The following CDC14A variants were observed in gnomAD, a reference collection of about 807,000 sequenced individuals.
CDC14A encodes cell division cycle 14A.
In CDC14A, 53 loss-of-function variants were observed where a neutral mutation model predicts 74.4. That is an observed-to-expected ratio of 0.71 (90% CI 0.57 to 0.89). The LOEUF is 0.89. Ranked by LOEUF, CDC14A falls within the 40% of genes least tolerant of loss-of-function variation. The pLI is 0.00. For synonymous variants in CDC14A, 247 were observed against 258.4 expected (o/e 0.96, Z 0.43); for missense variants, 646 against 713.7 (o/e 0.91, Z 1.08).
At chr1:100,444,706 T>G (rs1665342978) in intron 7 of CDC14A, among the ~76,000 whole-genome samples, 1 of 152,198 alleles carries the variant, frequency 6.6e-6, no homozygotes, top group African/African-American at 2.4e-5. Context: ...GTACTCTTCT[T>G]CCCTGCCTTC....
At chr1:100,394,044 T>C in intron 4 of CDC14A, 2 of 247,132 alleles carry the variant, frequency 8.1e-6, no homozygotes, top group South Asian at 5.1e-5. Context: ...ACCTCAGGTT[T>C]GCCCTACTCT....
chr1:100,390,313 G>A (rs914980518), intron 3 of CDC14A, among the ~76,000 whole-genome samples: 1 of 152,028 alleles, frequency 6.6e-6, no homozygotes, highest in Non-Finnish European at 1.5e-5. Context: ...ATAGTAAACT[G>A]GTTGACATTT....
At chr1:100,420,063 C>CACACACACACACAT in intron 4 of CDC14A, among the ~76,000 whole-genome samples, 4 of 61,566 alleles carry the variant, frequency 6.5e-5, no homozygotes, top group African/African-American at 1.6e-4. Context: ...CACACACACA[C>CACACACACACACAT]ATATATATAT....
intron 15 of CDC14A, among the ~76,000 whole-genome samples, chr1:100,511,091 G>GTTCA (rs143317049): frequency 0.011 from 1,665 of 148,626 alleles, 28 homozygotes; most frequent in African/African-American, 0.042. Context: ...TACCTGTACT[G>GTTCA]TTCTTTCCAG....
chr1:100,475,566 AG>A (rs1283369345), intron 10 of CDC14A, among the ~76,000 whole-genome samples: 7 of 152,106 alleles, frequency 4.6e-5, no homozygotes, highest in Non-Finnish European at 1.5e-5. Context: ...GTTGGGGGGC[AG>A]GGGGTTGCCA....
chr1:100,406,768 C>G (rs1659992151), intron 4 of CDC14A, among the ~76,000 whole-genome samples: 1 of 151,202 alleles, frequency 6.6e-6, no homozygotes, highest in Non-Finnish European at 1.5e-5. Context: ...ACTAAAAATA[C>G]AAAAAAAATT....
At chr1:100,408,106 C>A (rs1369600926) in intron 4 of CDC14A, among the ~76,000 whole-genome samples, 3 of 152,066 alleles carry the variant, frequency 2.0e-5, no homozygotes, top group African/African-American at 7.2e-5. Flanking sequence ...TTTGTTGTTC[C>A]CCTCTTTGTG....
At chr1:100,365,941 T>TACACACACACACACACACACAC (rs34281009) in intron 2 of CDC14A, among the ~76,000 whole-genome samples, 4 of 142,502 alleles carry the variant, frequency 2.8e-5, no homozygotes, top group South Asian at 2.3e-4. Flanking sequence ...AACAAAATTT[T>TACACACACACACACACACACAC]ACACACACAC....
intron 15 of CDC14A, among the ~76,000 whole-genome samples, chr1:100,510,398 A>T (rs1557840537): frequency 6.6e-6 from 1 of 152,210 alleles, no homozygotes; most frequent in African/African-American, 2.4e-5. Flanking sequence ...AACCTCAGTT[A>T]TCTTTATTTT....
At chr1:100,456,664 T>C (rs554519032) in intron 8 of CDC14A, among the ~76,000 whole-genome samples, 2 of 152,316 alleles carry the variant, frequency 1.3e-5, no homozygotes, top group African/African-American at 4.8e-5. Flanking sequence ...GATTTATTTT[T>C]CTTTAATCAT....
intron 3 of CDC14A, among the ~76,000 whole-genome samples, chr1:100,378,217 T>C (rs1655576815): frequency 2.0e-5 from 3 of 152,180 alleles, no homozygotes; most frequent in Admixed American, 6.5e-5. Context: ...TGTACTTTTA[T>C]GTGGATTTTG....
chr1:100,442,270 G>A (rs886296813), intron 6 of CDC14A, among the ~76,000 whole-genome samples: 1 of 146,904 alleles, frequency 6.8e-6, no homozygotes, highest in Admixed American at 6.8e-5. Flanking sequence ...GGCCTATTAA[G>A]TAGAAATATT....
At chr1:100,351,597 C>G (rs771636222), upstream of CDC14A, 1 of 642,898 alleles carries the variant, frequency 1.6e-6, no homozygotes, top group African/African-American at 1.8e-5. Flanking sequence ...CCTCCTTGGA[C>G]CAGTGGACTC....
intron 11 of CDC14A, chr1:100,485,700 G>T (rs1669961789): frequency 6.6e-6 from 1 of 152,244 alleles, no homozygotes; most frequent in South Asian, 2.1e-4. Flanking sequence ...AGCCCACAAG[G>T]AGCCCAGAAT....
At chr1:100,347,749 C>T (rs1650551779), upstream of CDC14A, among the ~76,000 whole-genome samples, 1 of 151,992 alleles carries the variant, frequency 6.6e-6, no homozygotes, top group African/African-American at 2.4e-5. Flanking sequence ...GTTTTTACTA[C>T]GTTTCATACT....
intron 11 of CDC14A, chr1:100,485,844 G>T (rs969055844): frequency 1.3e-5 from 2 of 152,224 alleles, no homozygotes; most frequent in African/African-American, 2.4e-5. Flanking sequence ...GATGGAGACC[G>T]TTGGAAGAAA....
intron 9 of CDC14A, among the ~76,000 whole-genome samples, chr1:100,465,079 C>T (rs1431554920): frequency 1.3e-5 from 2 of 151,990 alleles, no homozygotes; most frequent in African/African-American, 4.8e-5. Context: ...GTGCCCACCA[C>T]CACTCCTGGC....
At position 100,518,553 on chromosome 1, in the gene CDC14A, T is replaced by A; in HGVS notation, c.*273T>A. ...ATTTGGTATTTTGAAGGGTTATTTT[T>A]AATGTATTTTGGTAATACATTTATT... On this transcript the variant is annotated 3_prime_UTR_variant, in exon 16 of 16. Transcript: ENST00000336454. 3.1e-6 allele frequency: 1 copy of A among 318,024 alleles called. No individual in the cohort carries two copies. The highest frequency in any genetic ancestry group is 5.9e-6 in the Non-Finnish European group (1 of 170,486). 19.7% of individuals were successfully genotyped at this position (318,024 alleles called of 1,614,324 possible).
intron 13 of CDC14A, among the ~76,000 whole-genome samples, chr1:100,497,540 T>C (rs1269064945): frequency 1.3e-5 from 2 of 152,238 alleles, no homozygotes; most frequent in Non-Finnish European, 2.9e-5. Context: ...TTGAATTGTT[T>C]AGGAATAAGA....
Sources: allele counts gnomAD v4.1 joint callset (sites outside exome capture counted in the v4.1 genomes callset), GRCh38; gene constraint gnomAD v4.1.1; transcripts MANE v1.5; gene names NCBI Gene and HGNC (gene_info 2026-07-23, HGNC 2026-07-21).